The following TMED3 variants were observed in gnomAD, a reference collection of about 807,000 sequenced individuals.
TMED3 encodes the protein transmembrane emp24 domain-containing protein 3.
In TMED3, 9 loss-of-function variants were observed where a neutral mutation model predicts 15.0. That is an observed-to-expected ratio of 0.60 (90% confidence interval 0.36 to 1.04). The LOEUF (loss-of-function observed/expected upper bound fraction) is 1.04, where lower values mean the gene tolerates loss of function less well. Ranked by LOEUF, TMED3 falls within the 50% of genes least tolerant of loss-of-function variation. TMED3 has a pLI of 0.01. For synonymous variants in TMED3, 117 were observed against 121.4 expected (o/e 0.96, Z 0.24); for missense variants, 267 against 278.9 (o/e 0.96, Z 0.30).
In TMED3 at chr15:79,322,319, A is replaced by G. The variant is rs930714264; in HGVS notation, c.*105A>G. 4 of 1,512,844 alleles carry G rather than the reference A, an allele frequency of 2.6e-6. No individual in the cohort carries two copies. In the South Asian group the frequency reaches 5.4e-5, roughly 20 times the overall value. 93.7% of individuals were successfully genotyped at this position (1,512,844 alleles called of 1,614,324 possible). A position where few individuals can be genotyped will look rare whatever the true frequency, so the allele number is the denominator to read the frequency against. On this transcript the variant is annotated 3_prime_UTR_variant, in exon 3 of 3. Transcript: ENST00000299705. ...CGTAGCCCAGGGTGGAGGCAGAACG[A>G]TGCTGCTGTGGTAGCCCTTTGCCTT...
chr15:79,313,721 C>T, intron 1 of TMED3, 36 bp from the exon 2 acceptor site: 2 of 1,595,938 alleles, frequency 1.3e-6, no homozygotes, highest in Non-Finnish European at 1.7e-6. Context: ...GTGGTGGTTG[C>T]TCCTTTGATA....
At chr15:79,406,219 T>G (rs1893901272) in intron 2 of TMED3, among the ~76,000 whole-genome samples, 1 of 152,234 alleles carries the variant, frequency 6.6e-6, no homozygotes. Context: ...GATTCTAATT[T>G]GCTGTCTTCA....
downstream of TMED3, among the ~76,000 whole-genome samples, chr15:79,323,034 G>A (rs75801128): frequency 7.2e-4 from 109 of 152,242 alleles, no homozygotes; most frequent in African/African-American, 2.6e-3. Context: ...AAGTCTCCTC[G>A]CATGCTCACA....
intron 2 of TMED3, among the ~76,000 whole-genome samples, chr15:79,374,644 C>A (rs971172888): frequency 1.3e-5 from 2 of 152,182 alleles, no homozygotes; most frequent in African/African-American, 4.8e-5. Context: ...TCTCTCCCAT[C>A]CCCAATGTCT....
At chr15:79,356,975 A>C (rs1383367907) in intron 2 of TMED3, among the ~76,000 whole-genome samples, 2 of 152,220 alleles carry the variant, frequency 1.3e-5, no homozygotes, top group African/African-American at 4.8e-5. Context: ...CCGGGAAACA[A>C]GGGAAAGCAA....
At chr15:79,370,621 A>G (rs538469803) in intron 2 of TMED3, among the ~76,000 whole-genome samples, 2 of 152,278 alleles carry the variant, frequency 1.3e-5, no homozygotes, top group South Asian at 4.1e-4. Context: ...TAGTTCTGCC[A>G]TTCAGTGTCA....
intron 2 of TMED3, among the ~76,000 whole-genome samples, chr15:79,396,941 C>T (rs1027200504): frequency 6.6e-6 from 1 of 152,104 alleles, no homozygotes; most frequent in Admixed American, 6.5e-5. Context: ...TTCTATGCAG[C>T]CACTAGAAAA....
chr15:79,374,511 A>G (rs1054798610), intron 2 of TMED3, among the ~76,000 whole-genome samples: 2 of 152,216 alleles, frequency 1.3e-5, no homozygotes, highest in Non-Finnish European at 2.9e-5. Context: ...TGCCTGAGGC[A>G]AGATTATTTT....
intron 2 of TMED3, among the ~76,000 whole-genome samples, chr15:79,410,080 A>G (rs536878328): frequency 6.6e-6 from 1 of 152,178 alleles, no homozygotes; most frequent in Admixed American, 6.5e-5. Flanking sequence ...CCGCACACAT[A>G]TGCCACCTAT....
intron 2 of TMED3, among the ~76,000 whole-genome samples, chr15:79,338,497 C>G (rs189979521): frequency 5.9e-5 from 9 of 152,262 alleles, no homozygotes; most frequent in African/African-American, 2.2e-4. Context: ...GGGCGGCAAG[C>G]CACCCAGGTG....
chr15:79,398,120 A>T (rs1327306611), intron 2 of TMED3, among the ~76,000 whole-genome samples: 1 of 151,066 alleles, frequency 6.6e-6, no homozygotes, highest in Non-Finnish European at 1.5e-5. Flanking sequence ...TGCCCTAAAA[A>T]CCTCTGCGCT....
chr15:79,386,905 T>C (rs1447716309), intron 2 of TMED3, among the ~76,000 whole-genome samples: 1 of 151,476 alleles, frequency 6.6e-6, no homozygotes, highest in East Asian at 1.9e-4. Flanking sequence ...AACACTTTTC[T>C]TTTCTTTCTT....
intron 2 of TMED3, among the ~76,000 whole-genome samples, chr15:79,390,535 T>C (rs867148312): frequency 6.6e-6 from 1 of 152,124 alleles, no homozygotes; most frequent in Non-Finnish European, 1.5e-5. Flanking sequence ...ATCAGGGATA[T>C]CAGTCTGTAG....
intron 2 of TMED3, among the ~76,000 whole-genome samples, chr15:79,372,593 A>T (rs1893360050): frequency 6.6e-6 from 1 of 152,224 alleles, no homozygotes; most frequent in African/African-American, 2.4e-5. Context: ...GAGAACATGC[A>T]CAGGGGAACT....
At chr15:79,380,018 A>G (rs1276464320) in intron 2 of TMED3, among the ~76,000 whole-genome samples, 1 of 152,200 alleles carries the variant, frequency 6.6e-6, no homozygotes, top group East Asian at 1.9e-4. Flanking sequence ...GAATTCTGGT[A>G]GCTCAGAAAA....
chr15:79,331,169 C>T (rs944909441), intron 2 of TMED3, among the ~76,000 whole-genome samples: 1 of 152,136 alleles, frequency 6.6e-6, no homozygotes, highest in African/African-American at 2.4e-5. Context: ...AAATCTGCCC[C>T]CATGATCTAA....
At chr15:79,370,675 G>T (rs1056621058) in intron 2 of TMED3, among the ~76,000 whole-genome samples, 2 of 152,074 alleles carry the variant, frequency 1.3e-5, no homozygotes, top group African/African-American at 4.8e-5. Context: ...GACAGAATTC[G>T]GTTATTAATG....
chr15:79,377,795 C>G (rs537402734), intron 2 of TMED3, among the ~76,000 whole-genome samples: 2 of 151,986 alleles, frequency 1.3e-5, no homozygotes, highest in Non-Finnish European at 2.9e-5. Context: ...TACAGGCGCC[C>G]GCCACCGCGC....
At chr15:79,343,378 A>G (rs1229809324) in intron 2 of TMED3, among the ~76,000 whole-genome samples, 2 of 152,230 alleles carry the variant, frequency 1.3e-5, no homozygotes, top group Non-Finnish European at 2.9e-5. Flanking sequence ...TGTCACGTAG[A>G]TGGAATCATG....
Sources: gnomAD v4.1 joint callset for allele counts (sites outside exome capture counted in the v4.1 genomes callset) on GRCh38, gnomAD v4.1.1 for gene constraint, MANE v1.5 for transcripts, NCBI Gene and HGNC (gene_info 2026-07-23, HGNC 2026-07-21) for gene names.